The following TSPAN4 variants were observed in gnomAD, a reference collection of about 807,000 sequenced individuals.
TSPAN4 encodes the protein tetraspanin-4.
In TSPAN4, 38 loss-of-function variants were observed where a neutral mutation model predicts 31.5. The ratio of observed to expected loss-of-function variants is 1.21; its 90% confidence interval spans 0.93 to 1.58. TSPAN4 has a LOEUF of 1.58. Among genes scored for constraint, TSPAN4 ranks in the 40% most tolerant of loss-of-function variants. TSPAN4 has a pLI of 0.00. For synonymous variants in TSPAN4, 186 were observed against 144.6 expected (o/e 1.29, Z -2.06); for missense variants, 330 against 317.3 (o/e 1.04, Z -0.30).
chr11:858,986 C>T (rs1329540929), intron 3 of TSPAN4, among the ~76,000 whole-genome samples: 2 of 124,176 alleles, frequency 1.6e-5, no homozygotes, highest in South Asian at 2.9e-4. Flanking sequence ...CCGGCTCACA[C>T]GCACCCCTGG....
At chr11:865,082 C>G (rs568871226) in intron 5 of TSPAN4, 5 of 189,602 alleles carry the variant, frequency 2.6e-5, no homozygotes, top group African/African-American at 1.2e-4. Context: ...CAGGGCGCTC[C>G]AGGCTCCTTC....
chr11:853,002 G>A (rs1197054311), intron 3 of TSPAN4, among the ~76,000 whole-genome samples: 2 of 152,142 alleles, frequency 1.3e-5, no homozygotes, highest in African/African-American at 4.8e-5. Flanking sequence ...GAGCCGGGGT[G>A]GGGTGAGGAA....
At chr11:851,144 G>A (rs1847681266) in intron 3 of TSPAN4, among the ~76,000 whole-genome samples, 1 of 152,230 alleles carries the variant, frequency 6.6e-6, no homozygotes. Context: ...GGTGGGGCAG[G>A]ATTCCCACCT....
At position 864,800 on chromosome 11, in the gene TSPAN4, C is replaced by T. The variant is rs1848673372; in HGVS notation, c.330+289C>T. 7.5e-6 allele frequency: 4 copies of T among 533,216 alleles called. No homozygotes were observed. In the Admixed American group the frequency reaches 9.4e-5, roughly 13 times the overall value. The allele number at this position is 533,216 out of a possible 1,614,324, so 33.0% of individuals were successfully genotyped here. On this transcript the variant is annotated intron_variant, in intron 5 of 8. Coordinates refer to ENST00000397397, the MANE Select transcript of TSPAN4 (RefSeq NM_003271.5). ...CGCAGCGTCCTGAGCCGTCTGCTCC[C>T]AGCGCCCCATCCGGGCCGCGCACCG...
chr11:864,367 C>T, intron 4 of TSPAN4, 70 bp from the exon 5 acceptor site: 1 of 1,584,824 alleles, frequency 6.3e-7, no homozygotes, highest in Non-Finnish European at 8.6e-7. Context: ...GTGGCCCTGG[C>T]CCCTGGCATG....
chr11:860,204 G>A (rs757641011), intron 3 of TSPAN4, among the ~76,000 whole-genome samples: 4 of 152,226 alleles, frequency 2.6e-5, no homozygotes, highest in Non-Finnish European at 5.9e-5. Context: ...CTGAGCGTGT[G>A]TGGGACTTGT....
chr11:844,123 C>T (rs1026487867), intron 1 of TSPAN4: 3 of 152,336 alleles, frequency 2.0e-5, no homozygotes, highest in Admixed American at 6.5e-5. Flanking sequence ...GGACAGGGGC[C>T]CTGAGTAACG....
chr11:844,711 G>C (rs1847201187), intron 1 of TSPAN4: 1 of 152,060 alleles, frequency 6.6e-6, no homozygotes, highest in Non-Finnish European at 1.5e-5. Flanking sequence ...GCTTCTGGGG[G>C]GGGGGGTCTG....
At chr11:854,326 G>C (rs1847924400) in intron 3 of TSPAN4, among the ~76,000 whole-genome samples, 1 of 152,208 alleles carries the variant, frequency 6.6e-6, no homozygotes, top group South Asian at 2.1e-4. Flanking sequence ...GGGGGACCGG[G>C]TGGGGGTTGG....
At chr11:843,624 G>A (rs1446891602) in intron 1 of TSPAN4, 1 of 152,422 alleles carries the variant, frequency 6.6e-6, no homozygotes, top group African/African-American at 2.4e-5. Context: ...ATGGAGTGCG[G>A]GGGGGCTGGC....
chr11:847,480 G>A (rs1000390673), intron 2 of TSPAN4, among the ~76,000 whole-genome samples, 180 bp downstream of exon 2: 7 of 152,048 alleles, frequency 4.6e-5, no homozygotes, highest in African/African-American at 1.7e-4. Flanking sequence ...AGAACACCCC[G>A]ACTGGGGTGT....
At chr11:855,747 C>T (rs1228651842) in intron 3 of TSPAN4, among the ~76,000 whole-genome samples, 2 of 152,216 alleles carry the variant, frequency 1.3e-5, no homozygotes, top group Non-Finnish European at 2.9e-5. Context: ...ACAGACTTGT[C>T]ATCCCTGGAA....
rs748147188 is a variant in TSPAN4 at position 865,744 on chromosome 11, C to T, written c.483C>T (p.Asn161=). The change falls in exon 7 of 9, where the codon AAC becomes AAT. Residue 161 remains asparagine, a synonymous_variant. Coordinates refer to ENST00000397397, the MANE Select transcript of TSPAN4 (RefSeq NM_003271.5). The stretch of plus-strand genomic sequence containing the variant: ...ACACTGACTGGTTCGAGGTGTACAA[C>T]GCCACGCGGGTACCTGACTCCTGCT... ...SNYTDWFEVY[N]ATRVPDSCCL... 1.4e-5 allele frequency: 22 copies of T among 1,613,142 alleles called. No individual in the cohort carries two copies. Among genetic ancestry groups the T allele is most frequent in the African/African-American group, 9.3e-5 (7 of 74,906 alleles).
intron 5 of TSPAN4, 47 bp downstream of exon 5, chr11:864,558 ATCC>A (rs781741566): frequency 1.4e-5 from 22 of 1,603,530 alleles, no homozygotes; most frequent in Non-Finnish European, 1.7e-5. Flanking sequence ...TGGGGGCTCC[ATCC>A]TCACTCCCAG....
Position 866,755 on chromosome 11 carries a change from G to T in TSPAN4, c.*125G>T. 1 of 993,176 alleles carries T rather than the reference G, an allele frequency of 1.0e-6. No individual in the cohort carries two copies. The highest frequency in any genetic ancestry group is 1.4e-6 in the Non-Finnish European group (1 of 699,098). 61.5% of individuals were successfully genotyped at this position (993,176 alleles called of 1,614,324 possible). A position where few individuals can be genotyped will look rare whatever the true frequency, so the allele number is the denominator to read the frequency against. Reference sequence around the variant, plus strand: ...GCTGGGAGGAGGGAGGGAGGGACAGGTGCCTGGAGCCCCCGGAACCCTGTT... The same window carrying T: ...GCTGGGAGGAGGGAGGGAGGGACAGTTGCCTGGAGCCCCCGGAACCCTGTT... On this transcript the variant is annotated 3_prime_UTR_variant, in exon 9 of 9. Transcript: ENST00000397397.
At chr11:852,949 G>A (rs1265909664) in intron 3 of TSPAN4, among the ~76,000 whole-genome samples, 1 of 152,210 alleles carries the variant, frequency 6.6e-6, no homozygotes, top group Non-Finnish European at 1.5e-5. Context: ...GCATGGGGGA[G>A]CCCCAGTGGG....
intron 1 of TSPAN4, chr11:844,151 C>G (rs1847147462): frequency 6.6e-6 from 1 of 152,498 alleles, no homozygotes; most frequent in Non-Finnish European, 1.5e-5. Context: ...GGGGTCAGAG[C>G]CAGGTTCAGC....
Position 848,917 on chromosome 11 carries a change from A to G in TSPAN4, c.-17-1371A>G. 1.4e-6 allele frequency: 1 copy of G among 714,220 alleles called. No homozygotes were observed. The highest frequency in any genetic ancestry group is 1.5e-5 in the South Asian group (1 of 67,282). 44.2% of individuals were successfully genotyped at this position (714,220 alleles called of 1,614,324 possible). On this transcript the variant is annotated intron_variant, in intron 2 of 8. Coordinates refer to ENST00000397397, the MANE Select transcript of TSPAN4 (RefSeq NM_003271.5). The surrounding 1 kb of genome is among the most constrained non-coding windows in gnomAD (Gnocchi z 5.7). ...TGATGACACCCAGGAGTGCAGGCACATCTGCGCACGGGGCCGGTATGTCTG... is the reference window on the plus strand; with the variant it reads ...TGATGACACCCAGGAGTGCAGGCACGTCTGCGCACGGGGCCGGTATGTCTG...
chr11:849,334 C>A (rs1024642525), intron 2 of TSPAN4, among the ~76,000 whole-genome samples: 1 of 152,240 alleles, frequency 6.6e-6, no homozygotes, highest in Non-Finnish European at 1.5e-5. Context: ...CCCAGCCCCC[C>A]ACCCGCCGCC....
Sources: allele counts gnomAD v4.1 joint callset (sites outside exome capture counted in the v4.1 genomes callset), GRCh38; gene constraint gnomAD v4.1.1; non-coding constraint Gnocchi (gnomAD v3.1); transcripts MANE v1.5; gene names NCBI Gene and HGNC (gene_info 2026-07-23, HGNC 2026-07-21).